The following SAMM50 variants were observed in gnomAD, a reference collection of about 807,000 sequenced individuals.
SAMM50 encodes SAMM50 sorting and assembly machinery component.
Under a neutral mutation model 66.9 loss-of-function variants are expected in SAMM50, and 47 were observed. The ratio of observed to expected loss-of-function variants is 0.70; its 90% CI spans 0.56 to 0.90. SAMM50 has a LOEUF of 0.90. Among genes scored for constraint, SAMM50 ranks in the 40% least tolerant of loss-of-function variants. SAMM50 has a pLI of 0.00. For synonymous variants in SAMM50, 191 were observed against 214.1 expected (o/e 0.89, Z 0.94); for missense variants, 535 against 595.3 (o/e 0.90, Z 1.05).
chr22:43,963,444 C>A, intron 2 of SAMM50, 48 bp downstream of exon 2: 1 of 1,122,550 alleles, frequency 8.9e-7, no homozygotes, highest in South Asian at 1.3e-5. Context: ...TGGAAACATT[C>A]ACTTCCATAC....
chr22:43,964,543 A>T lies in SAMM50; in HGVS notation c.224A>T (p.Asn75Ile). The T allele has an allele frequency of 6.3e-7, 1 of 1,580,984 alleles. No homozygotes were observed. The highest frequency in any genetic ancestry group is 2.2e-5 in the East Asian group (1 of 44,706). Residue 75 changes from asparagine to isoleucine, a missense_variant, in exon 3 of 15, where the codon AAC becomes ATC. Physicochemically the swap from Asn to Ile is moderately radical, Grantham distance 149. Coordinates refer to ENST00000350028, the MANE Select transcript of SAMM50 (RefSeq NM_015380.5). ...ATTGGAGATGTTTTCAAGGCCAAAA[A>T]CCTAATTGAGGTAGGTGTGGTCTCT... ...CEIGDVFKAK[N>I]LIEVMRKSHE...
chr22:43,960,775 T>C (rs772097149), intron 1 of SAMM50, among the ~76,000 whole-genome samples: 1 of 152,096 alleles, frequency 6.6e-6, no homozygotes, highest in Non-Finnish European at 1.5e-5. Flanking sequence ...GTCACAGACT[T>C]CAAGTATCAA....
At chr22:43,973,441 C>G in intron 7 of SAMM50, 118 bp downstream of exon 7, 2 of 655,014 alleles carry the variant, frequency 3.1e-6, no homozygotes, top group Non-Finnish European at 2.8e-6. Context: ...GCCCTCCGCA[C>G]CAGGTACCTC....
intron 4 of SAMM50, among the ~76,000 whole-genome samples, chr22:43,969,171 C>G (rs1173157475): frequency 1.3e-5 from 2 of 152,138 alleles, no homozygotes; most frequent in Non-Finnish European, 2.9e-5. Flanking sequence ...GTGTGAAGCC[C>G]TGGACTCCAC....
intron 1 of SAMM50, among the ~76,000 whole-genome samples, chr22:43,961,542 T>A (rs2050147125): frequency 6.6e-6 from 1 of 152,164 alleles, no homozygotes; most frequent in Non-Finnish European, 1.5e-5. Flanking sequence ...CTCTGTCTCC[T>A]GGGTTCAAGC....
In SAMM50 at chr22:43,960,685, C is replaced by T. The variant is rs140707803; in HGVS notation, c.22-2601C>T. Among the ~76,000 whole-genome samples, 776 of 152,146 alleles carry T rather than the reference C, an allele frequency of 5.1e-3. 11 individuals are homozygous for T. The highest frequency in any genetic ancestry group is 4.9e-3 in the Non-Finnish European group (330 of 67,992). On this transcript the variant is annotated intron_variant, in intron 1 of 14. Coordinates refer to ENST00000350028, the MANE Select transcript of SAMM50 (RefSeq NM_015380.5). ...TGGAGGTTGCAGTGAGCCGAGATTG[C>T]GCCATTACACTCAAGCCTGGGCCAC...
At chr22:43,955,744 A>G in intron 1 of SAMM50, 146 bp downstream of exon 1, 6 of 831,920 alleles carry the variant, frequency 7.2e-6, no homozygotes, top group Non-Finnish European at 1.1e-5. Context: ...GGAGGCCGAA[A>G]AGAGGTCGCC....
chr22:43,965,557 G>A (rs1277094922), intron 3 of SAMM50, among the ~76,000 whole-genome samples: 1 of 152,078 alleles, frequency 6.6e-6, no homozygotes, highest in South Asian at 2.1e-4. Context: ...CAGTAAGAAG[G>A]AAGCATAGAA....
intron 4 of SAMM50, 39 bp from the exon 5 acceptor site, chr22:43,972,197 C>A (rs2050207055): frequency 7.6e-7 from 1 of 1,313,810 alleles, no homozygotes; most frequent in Non-Finnish European, 1.0e-6. Context: ...AGTAAAATAA[C>A]ATCCTGGCTG....
intron 4 of SAMM50, among the ~76,000 whole-genome samples, chr22:43,969,406 C>T (rs903288530): frequency 6.6e-6 from 1 of 152,194 alleles, no homozygotes; most frequent in Non-Finnish European, 1.5e-5. Context: ...CCTGTGCAGG[C>T]CCCAGAGGGA....
intron 4 of SAMM50, among the ~76,000 whole-genome samples, chr22:43,969,779 G>A (rs921908737): frequency 5.9e-5 from 9 of 152,204 alleles, no homozygotes; most frequent in Non-Finnish European, 1.0e-4. Context: ...TGGGTGGACC[G>A]CAAGTGTAGG....
chr22:43,975,786 G>A lies in SAMM50; in HGVS notation c.649-269G>A, dbSNP rs2050228023. 7.8e-6 allele frequency: 3 copies of A among 386,636 alleles called. No homozygotes were observed. In the Admixed American group the frequency reaches 1.1e-4, roughly 14 times the overall value. The allele number at this position is 386,636 out of a possible 1,614,324, so 24.0% of individuals were successfully genotyped here. A position where few individuals can be genotyped will look rare whatever the true frequency, so the allele number is the denominator to read the frequency against. ...AGAGCTGCCTGCAGCCCTCAGACCA[G>A]CCCTGTCCCTCACCTGGGGTGCAGT... On this transcript the variant is annotated intron_variant, in intron 7 of 14. Transcript: ENST00000350028.
At position 43,963,965 on chromosome 22, in the gene SAMM50, C is replaced by T. The variant is rs151105525; in HGVS notation, c.133-487C>T. On this transcript the variant is annotated intron_variant, in intron 2 of 14. Coordinates refer to ENST00000350028, the MANE Select transcript of SAMM50 (RefSeq NM_015380.5). ...CTCTGTCACCCAGGCTGGAGTGCAG[C>T]GGCACAATCTTGGCTCATTGCAACC... Among the ~76,000 whole-genome samples, 618 of 151,394 alleles carry T rather than the reference C, an allele frequency of 4.1e-3. 7 individuals are homozygous for T. The highest frequency in any genetic ancestry group is 0.015 in the African/African-American group (601 of 40,794).
Position 43,981,443 on chromosome 22 carries a change from C to T in SAMM50, c.989C>T (p.Pro330Leu), listed in dbSNP as rs375707409. Residue 330 changes from proline to leucine, a missense_variant, in exon 11 of 15, where the codon CCG becomes CTG. Physicochemically the swap from Pro to Leu is moderately conservative, Grantham distance 98. Coordinates refer to ENST00000350028, the MANE Select transcript of SAMM50 (RefSeq NM_015380.5). The stretch of plus-strand genomic sequence containing the variant: ...ATGTTGGTACCCATTGGTGATAAGC[C>T]GTCAAGCATTGCTGATAGGTAAGTA... ...GGMLVPIGDKPSSIADRFYLG... is the reference protein window; with the variant it reads ...GGMLVPIGDKLSSIADRFYLG... 47 of 1,612,630 alleles carry T rather than the reference C, an allele frequency of 2.9e-5. No homozygotes were observed. Among genetic ancestry groups the T allele is most frequent in the Non-Finnish European group, 3.7e-5 (44 of 1,178,930 alleles).
intron 10 of SAMM50, among the ~76,000 whole-genome samples, 172 bp from the exon 11 acceptor site, chr22:43,981,219 C>T (rs550604252): frequency 1.3e-5 from 2 of 152,348 alleles, no homozygotes; most frequent in African/African-American, 4.8e-5. Context: ...CGTGGCCCTT[C>T]GAAGGGTAGC....
At chr22:43,989,596 C>T (rs918624232) in intron 13 of SAMM50, among the ~76,000 whole-genome samples, 9 of 152,074 alleles carry the variant, frequency 5.9e-5, no homozygotes, top group Non-Finnish European at 1.3e-4. Context: ...CCTTGGATTC[C>T]CAAAGTGCTG....
chr22:43,994,741 G>C (rs532000483), intron 14 of SAMM50, among the ~76,000 whole-genome samples: 2 of 152,296 alleles, frequency 1.3e-5, no homozygotes, highest in South Asian at 2.1e-4. Flanking sequence ...GGATGCCAAG[G>C]CTGGCTTGCC....
intron 14 of SAMM50, among the ~76,000 whole-genome samples, chr22:43,994,025 G>C (rs1221449085): frequency 6.6e-6 from 1 of 152,216 alleles, no homozygotes; most frequent in East Asian, 1.9e-4. Flanking sequence ...GCTCGCTTGG[G>C]AGAGCAGCTC....
chr22:43,964,448 T>C lies in SAMM50; in HGVS notation c.133-4T>C. On this transcript the variant is annotated splice_polypyrimidine_tract_variant and splice_region_variant and intron_variant, in intron 2 of 14. Coordinates refer to ENST00000350028, the MANE Select transcript of SAMM50 (RefSeq NM_015380.5). ...CCCTAATACTGTCCCTGTGTGACTT[T>C]TAGGTGGTTGTTCAACATGTTCATT... is the stretch of plus-strand genomic sequence containing the variant. 6.4e-7 allele frequency: 1 copy of C among 1,565,588 alleles called. No homozygotes were observed. The highest frequency in any genetic ancestry group is 8.8e-7 in the Non-Finnish European group (1 of 1,135,946).
Sources: gnomAD v4.1 joint callset for allele counts (sites outside exome capture counted in the v4.1 genomes callset) on GRCh38, gnomAD v4.1.1 for gene constraint, MANE v1.5 for transcripts, NCBI Gene and HGNC (gene_info 2026-07-23, HGNC 2026-07-21) for gene names.